ABCC8: variants seen among roughly 807,000 people sequenced by gnomAD.
ABCC8 encodes ATP-binding cassette sub-family C member 8.
Under a neutral mutation model 188.0 loss-of-function variants are expected in ABCC8, and 137 were observed. The ratio of observed to expected loss-of-function variants is 0.73; its 90% CI spans 0.63 to 0.84. ABCC8 has a LOEUF of 0.84. Ranked by LOEUF, ABCC8 falls within the 40% of genes least tolerant of loss-of-function variation. The pLI is 0.00. For missense variants in ABCC8, 1,750 were observed against 2,072.7 expected (o/e 0.84, Z 3.02); for synonymous variants, 797 against 846.5 (o/e 0.94, Z 1.01).
intron 33 of ABCC8, 60 bp from the exon 34 acceptor site, chr11:17,395,990 A>T (rs1953906718): frequency 1.3e-6 from 2 of 1,550,176 alleles, no homozygotes; most frequent in African/African-American, 2.7e-5. Flanking sequence ...AATAGCCTCT[A>T]TGCTAGCTCT....
intron 10 of ABCC8, among the ~76,000 whole-genome samples, chr11:17,437,090 T>TCA (rs1956132098): frequency 5.0e-5 from 1 of 19,968 alleles, no homozygotes; most frequent in Admixed American, 1.0e-3. Flanking sequence ...AAACTCTGTC[T>TCA]CAAAAAAAAA....
At chr11:17,474,768 G>T in intron 2 of ABCC8, 118 bp downstream of exon 2, 1 of 1,155,302 alleles carries the variant, frequency 8.7e-7, no homozygotes, top group Non-Finnish European at 1.3e-6. Flanking sequence ...CTGAGCTGCT[G>T]GATGTAGTAA....
At chr11:17,424,719 G>C (rs1400104565) in intron 16 of ABCC8, among the ~76,000 whole-genome samples, 3 of 152,218 alleles carry the variant, frequency 2.0e-5, no homozygotes, top group Non-Finnish European at 4.4e-5. Context: ...GGAGAGCCCA[G>C]ATCCAGCCTG....
intron 29 of ABCC8, among the ~76,000 whole-genome samples, chr11:17,400,122 T>G (rs1954160398): frequency 6.6e-6 from 1 of 152,232 alleles, no homozygotes; most frequent in African/African-American, 2.4e-5. Context: ...CTTTTCACCC[T>G]GGAAGGTGTT....
In ABCC8 at chr11:17,461,614, T is replaced by C. The variant is rs1314180286; in HGVS notation, c.791A>G (p.Gln264Arg). 4 of 1,614,066 alleles carry C rather than the reference T, an allele frequency of 2.5e-6. No individual in the cohort carries two copies. Among genetic ancestry groups the C allele is most frequent in the Non-Finnish European group, 2.5e-6 (3 of 1,180,026 alleles). Reference protein sequence around the residue: ...PIAMRALTNYQRLCEAFDAQV... With the variant: ...PIAMRALTNYRRLCEAFDAQV... The stretch of plus-strand genomic sequence containing the variant: ...GGCGTCAAAGGCCTCGCAGAGCCGT[T>C]GGTAGTTGGTGAGGGCCCTCATGGC... Residue 264 changes from glutamine to arginine, a missense_variant, in exon 5 of 39, where the codon CAA becomes CGA. Gln to Arg is a conservative substitution (Grantham distance 43). Transcript: ENST00000389817.
chr11:17,419,385 A>T (rs1484483232), intron 16 of ABCC8, among the ~76,000 whole-genome samples: 4 of 152,230 alleles, frequency 2.6e-5, no homozygotes, highest in Non-Finnish European at 5.9e-5. Context: ...GCTGCCTTCC[A>T]GGGGCTCACA....
chr11:17,421,714 G>A (rs888361483), intron 16 of ABCC8, among the ~76,000 whole-genome samples: 1 of 152,192 alleles, frequency 6.6e-6, no homozygotes, highest in African/African-American at 2.4e-5. Flanking sequence ...GGTAGAGAAA[G>A]CTTATGAAAT....
chr11:17,434,062 C>T (rs1035989723), intron 10 of ABCC8, among the ~76,000 whole-genome samples: 23 of 152,292 alleles, frequency 1.5e-4, no homozygotes, highest in African/African-American at 5.5e-4. Context: ...GCCCATCAGA[C>T]CTAGGACCTT....
Position 17,432,256 on chromosome 11 carries a change from G to GCAC in ABCC8, c.1631-15_1631-13dup. The GCAC allele has an allele frequency of 6.4e-7, 1 of 1,552,040 alleles. No homozygotes were observed. Among genetic ancestry groups the GCAC allele is most frequent in the Non-Finnish European group, 8.7e-7 (1 of 1,147,106 alleles). Reference sequence around the variant, plus strand: ...CGTGTTCATGAAAACTGCAGAGGAAGCACAGGGAGGCGTTTAGTGGGAGGA... The same window carrying GCAC: ...CGTGTTCATGAAAACTGCAGAGGAAGCACCACAGGGAGGCGTTTAGTGGGAGGA... On this transcript the variant is annotated splice_polypyrimidine_tract_variant and intron_variant, in intron 10 of 38. Coordinates refer to ENST00000389817, the MANE Select transcript of ABCC8 (RefSeq NM_000352.6).
At position 17,393,120 on chromosome 11, in the gene ABCC8, C is replaced by T. The variant is rs1953712957; in HGVS notation, c.4617G>A (p.Val1539=). 1.2e-6 allele frequency: 2 copies of T among 1,612,908 alleles called. No individual in the cohort carries two copies. The highest frequency in any genetic ancestry group is 1.7e-6 in the Non-Finnish European group (2 of 1,179,420). Residue 1539 remains valine (V), a synonymous_variant, in exon 39 of 39, where the codon GTG becomes GTA. Transcript: ENST00000389817. ...DRTVVTIAHR[V]HTILSADLVI... ...CCAGGTCTGCACTCAGGATGGTGTG[C>T]ACTCGATGCTGGGCAGGGCAGGAGG... is the stretch of plus-strand genomic sequence containing the variant.
In ABCC8 at chr11:17,397,812, G is replaced by T. The variant is rs1954021797; in HGVS notation, c.3754-15C>A. 3.7e-6 allele frequency: 6 copies of T among 1,613,122 alleles called. No homozygotes were observed. The highest frequency in any genetic ancestry group is 5.1e-6 in the Non-Finnish European group (6 of 1,179,920). Reference sequence around the variant, plus strand: ...CCGATGTACTCCTGGGGAGGGAGAGGAGCTGACCTGGGCGCTCAGGGGTTA... The same window carrying T: ...CCGATGTACTCCTGGGGAGGGAGAGTAGCTGACCTGGGCGCTCAGGGGTTA... On this transcript the variant is annotated splice_polypyrimidine_tract_variant and intron_variant, in intron 30 of 38. Transcript: ENST00000389817.
intron 10 of ABCC8, among the ~76,000 whole-genome samples, chr11:17,435,497 C>T (rs769350711): frequency 6.6e-6 from 1 of 152,192 alleles, no homozygotes; most frequent in Non-Finnish European, 1.5e-5. Flanking sequence ...GAAAACTAGA[C>T]CCTTTTCCAC....
chr11:17,461,931 A>G, intron 4 of ABCC8, 106 bp from the exon 5 acceptor site: 2 of 1,548,104 alleles, frequency 1.3e-6, no homozygotes, highest in Non-Finnish European at 1.7e-6. Flanking sequence ...CTTGATCTCT[A>G]ACAGATGGGG....
intron 34 of ABCC8, 56 bp from the exon 35 acceptor site, chr11:17,395,774 C>G: frequency 6.4e-7 from 1 of 1,552,776 alleles, no homozygotes; most frequent in Non-Finnish European, 8.7e-7. Flanking sequence ...GGCCTCCTGT[C>G]ATGTCTGACC....
chr11:17,445,085 C>A (rs779023147), intron 8 of ABCC8, among the ~76,000 whole-genome samples: 1 of 152,192 alleles, frequency 6.6e-6, no homozygotes, highest in Non-Finnish European at 1.5e-5. Flanking sequence ...TGGTTCACTG[C>A]GTGGCCCAGG....
intron 17 of ABCC8, among the ~76,000 whole-genome samples, chr11:17,416,109 G>T (rs1409784194): frequency 1.3e-5 from 2 of 152,196 alleles, no homozygotes; most frequent in African/African-American, 4.8e-5. Flanking sequence ...GAGGGAGAAA[G>T]GGCAGAGAAA....
chr11:17,466,157 T>C (rs768489504), intron 3 of ABCC8, among the ~76,000 whole-genome samples: 4 of 151,974 alleles, frequency 2.6e-5, no homozygotes, highest in South Asian at 2.1e-4. Flanking sequence ...TCCGAGCACT[T>C]TGGGAGGCCG....
intron 33 of ABCC8, 91 bp from the exon 34 acceptor site, chr11:17,396,021 G>A (rs1285332364): frequency 7.1e-6 from 11 of 1,540,716 alleles, no homozygotes; most frequent in Non-Finnish European, 9.6e-6. Context: ...GCAGGTGTGG[G>A]AGGTCACAGG....
chr11:17,398,265 C>A (rs1227425108), intron 30 of ABCC8, 74 bp downstream of exon 30: 1 of 1,567,036 alleles, frequency 6.4e-7, no homozygotes, highest in Non-Finnish European at 8.8e-7. Context: ...CTCTTTCATC[C>A]CCAGGTACCT....
Sources: gnomAD v4.1 joint callset for allele counts (sites outside exome capture counted in the v4.1 genomes callset) on GRCh38, gnomAD v4.1.1 for gene constraint, MANE v1.5 for transcripts, NCBI Gene and HGNC (gene_info 2026-07-23, HGNC 2026-07-21) for gene names.